Variants in MAST4 observed in about 807,000 individuals in gnomAD.
MAST4 encodes microtubule associated serine/threonine kinase family member 4.
Under a neutral mutation model 162.7 loss-of-function variants are expected in MAST4, and 89 were observed. That is an observed-to-expected ratio of 0.55 (90% confidence interval 0.46 to 0.65). MAST4 has a LOEUF of 0.65. Among genes scored for constraint, MAST4 ranks in the 30% least tolerant of loss-of-function variants. MAST4 has a pLI of 0.00. For synonymous variants in MAST4, 1,479 were observed against 1,361.1 expected, an observed-to-expected ratio of 1.09 and a Z score of -1.91; for missense variants, 3,153 against 3,374.0, an observed-to-expected ratio of 0.93 and a Z score of 1.62.
chr5:67,044,696 T>C (rs1246348058), intron 4 of MAST4, among the ~76,000 whole-genome samples: 1 of 152,142 alleles, frequency 6.6e-6, no homozygotes. Context: ...AAATATTTTA[T>C]AGAGTGGGGT....
intron 1 of MAST4, among the ~76,000 whole-genome samples, chr5:66,639,370 TAGA>T (rs1745337880): frequency 2.0e-5 from 3 of 150,924 alleles, no homozygotes; most frequent in Admixed American, 2.0e-4. Flanking sequence ...GAAGGAAACA[TAGA>T]AGAGGAAACA....
intron 3 of MAST4, among the ~76,000 whole-genome samples, chr5:66,826,658 T>C (rs575212149): frequency 1.3e-5 from 2 of 151,270 alleles, no homozygotes; most frequent in Admixed American, 1.3e-4. Context: ...TGCCCTCCTC[T>C]AGACCCTAGT....
intron 5 of MAST4, among the ~76,000 whole-genome samples, chr5:67,089,619 C>T (rs1763616238): frequency 6.6e-6 from 1 of 152,206 alleles, no homozygotes; most frequent in South Asian, 2.1e-4. Flanking sequence ...CTGCTGTGGT[C>T]TTCCCAGTGT....
intron 1 of MAST4, among the ~76,000 whole-genome samples, chr5:66,684,393 C>G (rs1748513091): frequency 6.6e-6 from 1 of 151,678 alleles, no homozygotes; most frequent in South Asian, 2.1e-4. Flanking sequence ...GTTCTATTCT[C>G]AAAGAGTACT....
intron 4 of MAST4, among the ~76,000 whole-genome samples, chr5:66,985,669 G>T (rs1749398947): frequency 6.6e-6 from 1 of 152,138 alleles, no homozygotes; most frequent in Non-Finnish European, 1.5e-5. Flanking sequence ...ACGAGGTTGG[G>T]CTTAGAGGAA....
intron 3 of MAST4, among the ~76,000 whole-genome samples, chr5:66,889,432 T>C (rs1262028309): frequency 6.6e-6 from 1 of 152,204 alleles, no homozygotes; most frequent in African/African-American, 2.4e-5. Flanking sequence ...ATTTGCACTA[T>C]CCTAAAGGCA....
At chr5:67,147,509 A>C (rs371444225) in intron 23 of MAST4, among the ~76,000 whole-genome samples, 126 of 152,334 alleles carry the variant, frequency 8.3e-4, no homozygotes, top group African/African-American at 2.9e-3. Context: ...AACTTTATAC[A>C]TGTTTCTCTT....
At position 67,114,097 on chromosome 5, in the gene MAST4, C is replaced by G; in HGVS notation, c.1469C>G (p.Pro490Arg). The change falls in exon 12 of 29, where the codon CCG becomes CGG. Residue 490 changes from proline to arginine, a missense_variant. Pro to Arg is a moderately radical substitution (Grantham distance 103). This residue lies in a region of MAST4 where 360 missense variants were observed against 450.0 expected (regional missense o/e 0.80). Transcript: ENST00000403625. The part of the protein sequence containing the change: ...ARLLECLEFD[P>R]EEFYYLLEAA... ...ATTGTCTTCGGCTAGGAATTTGATCCGGAAGAATTTTACTACCTATTGGAA... is the reference window on the plus strand; with the variant it reads ...ATTGTCTTCGGCTAGGAATTTGATCGGGAAGAATTTTACTACCTATTGGAA... The G allele has an allele frequency of 1.2e-6, 2 of 1,613,544 alleles. No individual in the cohort carries two copies. The highest frequency in any genetic ancestry group is 1.7e-6 in the Non-Finnish European group (2 of 1,179,752).
At chr5:66,924,617 TCTC>T (rs1457343574) in intron 4 of MAST4, among the ~76,000 whole-genome samples, 1 of 152,012 alleles carries the variant, frequency 6.6e-6, no homozygotes, top group Non-Finnish European at 1.5e-5. Flanking sequence ...ATGGTTTTGA[TCTC>T]CTGACCTCGT....
chr5:67,066,098 G>C (rs1355561933), intron 5 of MAST4, among the ~76,000 whole-genome samples: 2 of 151,376 alleles, frequency 1.3e-5, no homozygotes, highest in South Asian at 2.1e-4. Flanking sequence ...ATAGTTTTAG[G>C]GGGGAGAGAT....
In MAST4 at chr5:66,617,907, G is replaced by C. The variant is rs72759181; in HGVS notation, c.363+20889G>C. Among the ~76,000 whole-genome samples the C allele has an allele frequency of 4.0e-3, 614 of 152,294 alleles. 2 individuals are homozygous for C. The highest frequency in any genetic ancestry group is 6.6e-3 in the Non-Finnish European group (446 of 68,026). On this transcript the variant is annotated intron_variant, in intron 1 of 28. Transcript: ENST00000403625. Reference sequence around the variant, plus strand: ...AGCAGAATATTTAGCTTGTGTTCCTGGCAGCTGGGGTTGGATAGGGAACTA... The same window carrying C: ...AGCAGAATATTTAGCTTGTGTTCCTCGCAGCTGGGGTTGGATAGGGAACTA...
At chr5:66,974,978 A>G (rs1337886477) in intron 4 of MAST4, among the ~76,000 whole-genome samples, 2 of 152,202 alleles carry the variant, frequency 1.3e-5, no homozygotes, top group African/African-American at 4.8e-5. Flanking sequence ...GAAACCTGTA[A>G]ACATTACCTT....
chr5:66,748,564 C>T (rs1053592808), intron 1 of MAST4, among the ~76,000 whole-genome samples: 7 of 151,206 alleles, frequency 4.6e-5, no homozygotes, highest in African/African-American at 1.7e-4. Flanking sequence ...TCTCGGCTCA[C>T]TGCAACCACT....
At chr5:67,156,243 A>G (rs984560295) in intron 26 of MAST4, among the ~76,000 whole-genome samples, 9 of 152,148 alleles carry the variant, frequency 5.9e-5, no homozygotes, top group Admixed American at 3.3e-4. Context: ...ACAAAAGCAG[A>G]AGAAGATAAC....
chr5:67,161,966 T>TAAAA (rs1773230007), intron 27 of MAST4, among the ~76,000 whole-genome samples: 1 of 152,234 alleles, frequency 6.6e-6, no homozygotes, highest in Non-Finnish European at 1.5e-5. Context: ...GCTGTGCTTT[T>TAAAA]GCCTTAAGAT....
chr5:67,146,259 A>G (rs925972842), intron 23 of MAST4, among the ~76,000 whole-genome samples: 1 of 152,228 alleles, frequency 6.6e-6, no homozygotes, highest in Non-Finnish European at 1.5e-5. Context: ...GTGTCTTCAC[A>G]GATTTTTAAG....
intron 1 of MAST4, among the ~76,000 whole-genome samples, chr5:66,741,422 G>A (rs1454250263): frequency 6.6e-6 from 1 of 152,056 alleles, no homozygotes. Context: ...TTCTATAAAG[G>A]GCCAGATAGT....
intron 1 of MAST4, among the ~76,000 whole-genome samples, chr5:66,607,232 A>G (rs1450001302): frequency 6.6e-6 from 1 of 152,208 alleles, no homozygotes; most frequent in East Asian, 1.9e-4. Flanking sequence ...ATAAATGAGA[A>G]TGCCATTTAG....
chr5:66,974,059 T>C (rs1454794103), intron 4 of MAST4, among the ~76,000 whole-genome samples: 2 of 152,130 alleles, frequency 1.3e-5, no homozygotes, highest in Non-Finnish European at 2.9e-5. Context: ...TGAGTGGCGC[T>C]CTCCTTCACT....
Sources: gnomAD v4.1 joint callset for allele counts (sites outside exome capture counted in the v4.1 genomes callset) on GRCh38, gnomAD v4.1.1 for gene constraint, gnomAD v4.1.1 regional missense constraint, MANE v1.5 for transcripts, NCBI Gene and HGNC (gene_info 2026-07-23, HGNC 2026-07-21) for gene names.